NTRK3: variants seen among roughly 807,000 people sequenced by gnomAD.
The protein encoded by NTRK3 is neurotrophic receptor tyrosine kinase 3.
A neutral mutation model predicts 91.7 loss-of-function variants in NTRK3; 24 were observed. The ratio of observed to expected loss-of-function variants is 0.26; its 90% CI spans 0.19 to 0.37. NTRK3 has a LOEUF of 0.37. NTRK3 is among the 10% of genes least tolerant of loss of function. The pLI is 1.00. For synonymous variants in NTRK3, 483 were observed against 404.0 expected (o/e 1.20, Z -2.34); for missense variants, 880 against 1,068.9 (o/e 0.82, Z 2.46).
At chr15:88,161,168 T>C (rs2044419197) in intron 5 of NTRK3, among the ~76,000 whole-genome samples, 1 of 152,230 alleles carries the variant, frequency 6.6e-6, no homozygotes, top group African/African-American at 2.4e-5. Flanking sequence ...TTAAGGGTTT[T>C]GCATATAAGA....
intron 10 of NTRK3, among the ~76,000 whole-genome samples, chr15:88,132,736 T>C (rs1041011664): frequency 2.6e-4 from 40 of 152,164 alleles, no homozygotes; most frequent in African/African-American, 8.9e-4. Context: ...CCCCAGATAA[T>C]TGACTCTCTT....
intron 13 of NTRK3, among the ~76,000 whole-genome samples, chr15:88,055,816 G>C (rs2045626549): frequency 6.6e-6 from 1 of 152,092 alleles, no homozygotes; most frequent in African/African-American, 2.4e-5. Context: ...GCAGCCTCAA[G>C]GTTTTTAAAA....
chr15:87,996,086 A>G (rs1224338692), intron 14 of NTRK3, among the ~76,000 whole-genome samples: 1 of 152,108 alleles, frequency 6.6e-6, no homozygotes, highest in African/African-American at 2.4e-5. Flanking sequence ...TCTACTAAAA[A>G]TACAAAAATT....
chr15:88,028,501 G>T (rs1003318448), intron 14 of NTRK3, among the ~76,000 whole-genome samples: 8 of 152,112 alleles, frequency 5.3e-5, no homozygotes, highest in Non-Finnish European at 8.8e-5. Flanking sequence ...GGACCTTCAG[G>T]ACAGAGACCT....
intron 13 of NTRK3, among the ~76,000 whole-genome samples, chr15:88,048,169 G>GTA (rs1413752965): frequency 1.3e-5 from 2 of 152,106 alleles, no homozygotes; most frequent in Admixed American, 1.3e-4. Context: ...CTTCCTCAGG[G>GTA]TATAGGTCAA....
At chr15:87,866,114 G>C (rs1245463836) in exon 19 of NTRK3, 2 of 227,010 alleles carry the variant, frequency 8.8e-6, no homozygotes, top group African/African-American at 4.4e-5. Flanking sequence ...CATGCAGGGG[G>C]TTGATAGTAG....
intron 3 of NTRK3, among the ~76,000 whole-genome samples, chr15:88,219,576 C>T (rs145317516): frequency 1.2e-4 from 19 of 152,362 alleles, no homozygotes; most frequent in African/African-American, 4.6e-4. Context: ...AGTCATTCTC[C>T]CTGGATGAAG....
At chr15:87,929,390 C>T (rs1429499898) in exon 17 of NTRK3, 11 of 1,614,030 alleles carry the variant, frequency 6.8e-6, no homozygotes, top group Non-Finnish European at 7.6e-6. Context: ...CTTGGCCTGG[C>T]GTGGCTGTCC....
intron 14 of NTRK3, among the ~76,000 whole-genome samples, chr15:87,974,809 A>C (rs1567171349): frequency 6.6e-6 from 1 of 152,190 alleles, no homozygotes; most frequent in Non-Finnish European, 1.5e-5. Flanking sequence ...CAAAAGTTCC[A>C]GAAGGAAGTC....
At chr15:88,053,550 G>T (rs776153197) in intron 13 of NTRK3, among the ~76,000 whole-genome samples, 4 of 152,316 alleles carry the variant, frequency 2.6e-5, no homozygotes, top group East Asian at 3.9e-4. Context: ...CCATAGGTAC[G>T]TTGGTCAGGG....
chr15:87,899,862 C>T (rs2066347046), intron 17 of NTRK3, among the ~76,000 whole-genome samples: 1 of 152,158 alleles, frequency 6.6e-6, no homozygotes, highest in African/African-American at 2.4e-5. Flanking sequence ...CACTGACTGG[C>T]TGCTGGAGGA....
At chr15:88,030,950 G>T (rs2078476952) in intron 14 of NTRK3, among the ~76,000 whole-genome samples, 1 of 151,976 alleles carries the variant, frequency 6.6e-6, no homozygotes, top group Admixed American at 6.6e-5. Context: ...ATGCAGTTTG[G>T]TAGGGCCCCC....
chr15:88,169,538 T>C (rs2045315144), intron 5 of NTRK3, among the ~76,000 whole-genome samples: 1 of 152,166 alleles, frequency 6.6e-6, no homozygotes, highest in South Asian at 2.1e-4. Flanking sequence ...TCTTCTGCTC[T>C]AATATGAATC....
intron 3 of NTRK3, among the ~76,000 whole-genome samples, chr15:88,245,260 G>C (rs1369211197): frequency 1.3e-5 from 2 of 152,160 alleles, no homozygotes; most frequent in Non-Finnish European, 2.9e-5. Context: ...CTGCTCACCA[G>C]CTTGGCTTCT....
At chr15:87,938,278 T>C (rs562609113) in intron 15 of NTRK3, among the ~76,000 whole-genome samples, 2 of 152,332 alleles carry the variant, frequency 1.3e-5, no homozygotes, top group African/African-American at 2.4e-5. Flanking sequence ...TTTTTGCCAA[T>C]TGATTTGGGA....
At chr15:88,195,553 C>T (rs896217258) in intron 3 of NTRK3, among the ~76,000 whole-genome samples, 10 of 152,214 alleles carry the variant, frequency 6.6e-5, no homozygotes, top group African/African-American at 2.4e-4. Context: ...GCAAGCTGTG[C>T]CCATGGGATT....
Position 88,126,824 on chromosome 15 carries a change from G to A in NTRK3, c.1293+338C>T, listed in dbSNP as rs139275109. Among the ~76,000 whole-genome samples, 419 of 152,256 alleles carry A rather than the reference G, an allele frequency of 2.8e-3. 7 individuals carry two copies. In the East Asian group the frequency reaches 0.031, roughly 11 times the overall value. On this transcript the variant is annotated intron_variant, in intron 12 of 18. Transcript: ENST00000394480. ...AGGCTCTGAAATAGTAGGAGTGGGC[G>A]CTTGAAAACACACCCAAGGAGATGC...
At chr15:88,169,803 C>A (rs1359437180) in intron 5 of NTRK3, among the ~76,000 whole-genome samples, 1 of 152,198 alleles carries the variant, frequency 6.6e-6, no homozygotes, top group Non-Finnish European at 1.5e-5. Flanking sequence ...CTGGCACAAT[C>A]ATCACCCATG....
chr15:88,115,615 T>C (rs1340548812), intron 13 of NTRK3, among the ~76,000 whole-genome samples: 1 of 152,188 alleles, frequency 6.6e-6, no homozygotes, highest in Non-Finnish European at 1.5e-5. Flanking sequence ...GAATTCAAGA[T>C]GCCTGTCAGG....
Sources: allele counts gnomAD v4.1 joint callset (sites outside exome capture counted in the v4.1 genomes callset), GRCh38; gene constraint gnomAD v4.1.1; transcripts MANE v1.5; gene names NCBI Gene and HGNC (gene_info 2026-07-23, HGNC 2026-07-21).